Variants in SH3TC2 observed in about 807,000 individuals in gnomAD.
SH3TC2 encodes SH3 domain and tetratricopeptide repeat-containing protein 2.
Under a neutral mutation model 124.5 loss-of-function variants are expected in SH3TC2, and 87 were observed. The ratio of observed to expected loss-of-function variants is 0.70; its 90% CI spans 0.59 to 0.84. SH3TC2 has a LOEUF of 0.84. Among genes scored for constraint, SH3TC2 ranks in the 40% least tolerant of loss-of-function variants. The pLI is 0.00. For synonymous variants in SH3TC2, 634 were observed against 628.5 expected (o/e 1.01, Z -0.13); for missense variants, 1,536 against 1,566.4 (o/e 0.98, Z 0.33).
At position 148,985,381 on chromosome 5, in the gene SH3TC2, T is replaced by C. The variant is rs1162098641; in HGVS notation, c.*19330A>G. On this transcript the variant is annotated 3_prime_UTR_variant, in exon 17 of 17. Transcript: ENST00000515425. ...AACAATTTTCTTGTGTCTTTTTTCA[T>C]CAATTCTTCCTCCAACTCACAGCAC... 2.0e-5 allele frequency among the ~76,000 whole-genome samples: 3 copies of C among 152,204 alleles called. No homozygotes were observed. Among genetic ancestry groups the C allele is most frequent in the East Asian group, 3.8e-4 (2 of 5,204 alleles).
intron 12 of SH3TC2, among the ~76,000 whole-genome samples, chr5:149,018,711 A>G (rs1050373079): frequency 1.3e-5 from 2 of 152,234 alleles, no homozygotes; most frequent in East Asian, 1.9e-4. Flanking sequence ...CCATGTCACT[A>G]CTCATAGCCA....
rs1213240686 is a variant in SH3TC2, at chr5:148,987,064, C to T, written c.*17647G>A. 1.3e-5 allele frequency among the ~76,000 whole-genome samples: 2 copies of T among 152,200 alleles called. No homozygotes were observed. Among genetic ancestry groups the T allele is most frequent in the Admixed American group, 1.3e-4 (2 of 15,288 alleles). ...ATGGTAGTTCATTGTGCTTAATTCT[C>T]TAATCTGAAATTCTTTATTTTAGAT... On this transcript the variant is annotated 3_prime_UTR_variant, in exon 17 of 17. Transcript: ENST00000515425.
chr5:149,024,780 C>T (rs955266861), intron 12 of SH3TC2, among the ~76,000 whole-genome samples: 6 of 152,182 alleles, frequency 3.9e-5, no homozygotes, highest in African/African-American at 1.4e-4. Flanking sequence ...ATCCCCATCA[C>T]ATCAGGTCAG....
At chr5:149,043,762 G>T (rs1032763864) in intron 4 of SH3TC2, 4 of 152,106 alleles carry the variant, frequency 2.6e-5, no homozygotes, top group Admixed American at 1.3e-4. Context: ...GTGGAGATCA[G>T]ATCTCCAGAC....
chr5:149,056,570 G>A (rs1754651835), intron 1 of SH3TC2, among the ~76,000 whole-genome samples: 1 of 152,174 alleles, frequency 6.6e-6, no homozygotes, highest in South Asian at 2.1e-4. Flanking sequence ...ATATCTAGGA[G>A]TAGAGTTCTG....
At chr5:149,058,529 T>C (rs1365873875) in intron 1 of SH3TC2, among the ~76,000 whole-genome samples, 3 of 152,224 alleles carry the variant, frequency 2.0e-5, no homozygotes, top group South Asian at 2.1e-4. Context: ...GCAATTGTTA[T>C]TGGGTTATTT....
chr5:149,011,463 C>T (rs760558883), intron 13 of SH3TC2, among the ~76,000 whole-genome samples: 1 of 152,204 alleles, frequency 6.6e-6, no homozygotes, highest in African/African-American at 2.4e-5. Flanking sequence ...AGGCAGATGG[C>T]GTAGAGGCTG....
At position 149,028,387 on chromosome 5, in the gene SH3TC2, C is replaced by T. The variant is rs1754118301; in HGVS notation, c.1345G>A (p.Asp449Asn). 1.9e-6 allele frequency: 3 copies of T among 1,614,080 alleles called. No homozygotes were observed. In the African/African-American group the frequency reaches 4.0e-5, roughly 22 times the overall value. Residue 449 changes from aspartate (D) to asparagine (N), a missense_variant, in exon 11 of 17, where the codon GAC (aspartate) becomes AAC (asparagine). Asp to Asn is a conservative substitution (Grantham distance 23, BLOSUM62 1). Around this residue, in one of 3 missense-constraint regions of SH3TC2, gnomAD observed 1,102 missense variants for 1,098.6 expected, o/e 1.00. Coordinates refer to ENST00000515425, the MANE Select transcript of SH3TC2 (RefSeq NM_024577.4). Reference protein sequence around the residue: ...YRLPEPDDLDDPELLMDLSTG... With the variant: ...YRLPEPDDLDNPELLMDLSTG... ...CTTAGGTCCATGAGCAGTTCCGGGT[C>T]ATCAAGGTCATCAGGCTCCGGCAGG...
intron 1 of SH3TC2, among the ~76,000 whole-genome samples, chr5:149,056,587 G>A (rs1754652108): frequency 6.6e-6 from 1 of 152,158 alleles, no homozygotes; most frequent in Non-Finnish European, 1.5e-5. Flanking sequence ...TCTGAGGTGT[G>A]TGTTTTTAAT....
At position 149,038,409 on chromosome 5, in the gene SH3TC2, T is replaced by C; in HGVS notation, c.887A>G (p.Glu296Gly). The C allele has an allele frequency of 6.2e-7, 1 of 1,614,200 alleles. No homozygotes were observed. Among genetic ancestry groups the C allele is most frequent in the South Asian group, 1.1e-5 (1 of 91,080 alleles). The change falls in exon 8 of 17, where the codon GAG (glutamate) becomes GGG (glycine). Residue 296 changes from glutamate (E) to glycine (G), a missense_variant. This residue lies in a region of SH3TC2 where 1,102 missense variants were observed against 1,098.6 expected (regional missense o/e 1.00). Coordinates refer to ENST00000515425, the MANE Select transcript of SH3TC2 (RefSeq NM_024577.4). ...CCCAGGTATGACAAAGCCGATGATC[T>C]CAATGCTTTCTCCCTGGTAGAAATT... ...ELNFYQGESI[E>G]IIGFVIPGLQ...
In SH3TC2 at chr5:148,987,809, C is replaced by CTGTGTGTGTGTG. The variant is rs71957589; in HGVS notation, c.*16890_*16901dup. Among the ~76,000 whole-genome samples the CTGTGTGTGTGTG allele has an allele frequency of 1.2e-3, 161 of 135,412 alleles. 2 individuals carry two copies. The highest frequency in any genetic ancestry group is 2.1e-3 in the South Asian group (8 of 3,760). 88.8% of individuals were successfully genotyped at this position (135,412 alleles called of 152,430 possible). A position where few individuals can be genotyped will look rare whatever the true frequency, so the allele number is the denominator to read the frequency against. On this transcript the variant is annotated 3_prime_UTR_variant, in exon 17 of 17. Coordinates refer to ENST00000515425, the MANE Select transcript of SH3TC2 (RefSeq NM_024577.4). ...CCTCACTCGAGGCCTCATTCAAAAT[C>CTGTGTGTGTGTG]TGTGTGTGTGTGTGTGTGTGTGTGT... is the stretch of plus-strand genomic sequence containing the variant.
In SH3TC2 at chr5:149,031,682, C is replaced by G; in HGVS notation, c.1007G>C (p.Arg336Thr). 1 of 1,614,106 alleles carries G rather than the reference C, an allele frequency of 6.2e-7. No individual in the cohort carries two copies. Among genetic ancestry groups the G allele is most frequent in the Non-Finnish European group, 8.5e-7 (1 of 1,180,020 alleles). The change falls in exon 9 of 17, where the codon AGG becomes ACG. Residue 336 changes from arginine to threonine, a missense_variant. Physicochemically the swap from Arg to Thr is moderately conservative, Grantham distance 71. Coordinates refer to ENST00000515425, the MANE Select transcript of SH3TC2 (RefSeq NM_024577.4). ...IDPDSYSPMS[R>T]NSAFLSDEER... Reference sequence around the variant, plus strand: ...CTCATCACTGAGAAAGGCAGAGTTCCTGCTCCTGCATCGGGGCAAAAAACA... The same window carrying G: ...CTCATCACTGAGAAAGGCAGAGTTCGTGCTCCTGCATCGGGGCAAAAAACA...
chr5:149,032,537 A>G (rs1408618228), intron 8 of SH3TC2, among the ~76,000 whole-genome samples: 1 of 152,256 alleles, frequency 6.6e-6, no homozygotes, highest in Admixed American at 6.5e-5. Flanking sequence ...TTGGAAGCCC[A>G]GGAGTTAATA....
intron 2 of SH3TC2, among the ~76,000 whole-genome samples, chr5:149,051,865 A>C (rs1467371485): frequency 6.6e-6 from 1 of 152,220 alleles, no homozygotes; most frequent in African/African-American, 2.4e-5. Context: ...AACACCTTCA[A>C]ATCTAATTTA....
intron 2 of SH3TC2, among the ~76,000 whole-genome samples, chr5:149,050,820 T>A (rs1229444466): frequency 6.6e-6 from 1 of 152,218 alleles, no homozygotes; most frequent in Admixed American, 6.5e-5. Context: ...ATATTTATAA[T>A]CTTTTTCACA....
Position 149,041,596 on chromosome 5 carries a change from A to C in SH3TC2, c.551T>G (p.Leu184Arg). 6.2e-7 allele frequency: 1 copy of C among 1,614,224 alleles called. No homozygotes were observed. Among genetic ancestry groups the C allele is most frequent in the Non-Finnish European group, 8.5e-7 (1 of 1,180,040 alleles). Residue 184 changes from leucine (L) to arginine (R), a missense_variant, in exon 6 of 17, where the codon CTG becomes CGG. Leu to Arg is a moderately radical substitution (Grantham distance 102). Around this residue, in one of 3 missense-constraint regions of SH3TC2, gnomAD observed 1,102 missense variants for 1,098.6 expected, o/e 1.00. Transcript: ENST00000515425. ...CTCGGCTGGTGGAGTCACGGAGCAC[A>C]GGGCTCTGCAGAAGAAGTGGCCTGT... ...IQEGHFFCRA[L>R]CSVTPPAEKE...
intron 1 of SH3TC2, among the ~76,000 whole-genome samples, chr5:149,054,882 G>T (rs1043400313): frequency 2.0e-5 from 3 of 152,188 alleles, no homozygotes; most frequent in Non-Finnish European, 4.4e-5. Context: ...GGCTTGTGAG[G>T]TGAGCCCACC....
In SH3TC2 at chr5:149,027,022, G is replaced by A. The variant is rs80338931; in HGVS notation, c.2710C>T (p.Arg904Ter). The A allele has an allele frequency of 2.2e-5, 36 of 1,613,982 alleles. No homozygotes were observed. The highest frequency in any genetic ancestry group is 1.2e-4 in the South Asian group (11 of 91,082). ...PARNYLLQAV[R>*]LYCELQASKE... ...CTGGCCTGAAGTTCACAATAGAGTC[G>A]TACAGCCTGCAGGAGATAGTTTCTG... Residue 904 changes from arginine to a stop codon, truncating the protein, a stop_gained, in exon 11 of 17, where the codon CGA (arginine) becomes TGA (stop). Transcript: ENST00000515425. LOFTEE classifies it high-confidence loss of function.
chr5:149,063,048 G>C lies in SH3TC2; in HGVS notation c.-26C>G. The C allele has an allele frequency of 6.3e-7, 1 of 1,585,786 alleles. No homozygotes were observed. Among genetic ancestry groups the C allele is most frequent in the Non-Finnish European group, 8.6e-7 (1 of 1,164,816 alleles). ...GTGTGTACCATCCTACCCTGGCCGA[G>C]GCCCTTGGGAACACAGGCCAGAAGA... On this transcript the variant is annotated 5_prime_UTR_variant, in exon 1 of 17. Coordinates refer to ENST00000515425, the MANE Select transcript of SH3TC2 (RefSeq NM_024577.4).
Sources: gnomAD v4.1 joint callset for allele counts (sites outside exome capture counted in the v4.1 genomes callset) on GRCh38, gnomAD v4.1.1 for gene constraint, gnomAD v4.1.1 regional missense constraint, MANE v1.5 for transcripts, NCBI Gene and HGNC (gene_info 2026-07-23, HGNC 2026-07-21) for gene names.